GOT1L1: variants seen among roughly 807,000 people sequenced by gnomAD.
GOT1L1 encodes the protein glutamic-oxaloacetic transaminase 1 like 1.
Under a neutral mutation model 43.6 loss-of-function variants are expected in GOT1L1, and 38 were observed. That is an observed-to-expected ratio of 0.87 (90% CI 0.67 to 1.14). The LOEUF is 1.14. Ranked by LOEUF, GOT1L1 falls within the 50% of genes most tolerant of loss-of-function variation. The pLI, the probability that GOT1L1 is intolerant of heterozygous loss-of-function variation, is 0.00. For synonymous variants in GOT1L1, 183 were observed against 187.2 expected (o/e 0.98, Z 0.18); for missense variants, 482 against 504.0 (o/e 0.96, Z 0.42).
chr8:37,936,789 G>GT lies in GOT1L1; in HGVS notation c.693dup (p.Gln232ThrfsTer9), dbSNP rs1563387914. ...TCAAAGCCTTGAGACACAAAGTATT[G>GT]TAAGATTCTAGTATCTTCTTCCAAG... On this transcript the variant is annotated frameshift_variant, in exon 6 of 9. Coordinates refer to ENST00000307599, the MANE Select transcript of GOT1L1 (RefSeq NM_152413.3). LOFTEE classifies it high-confidence loss of function. The GT allele has an allele frequency of 6.2e-7, 1 of 1,612,906 alleles. No homozygotes were observed. The highest frequency in any genetic ancestry group is 1.3e-5 in the African/African-American group (1 of 74,900).
intron 1 of GOT1L1, 103 bp from the exon 2 acceptor site, chr8:37,938,984 G>C: frequency 1.0e-6 from 1 of 995,186 alleles, no homozygotes; most frequent in Non-Finnish European, 1.6e-6. Flanking sequence ...ACTCCATGGG[G>C]CTGTGGGAAG....
At chr8:37,937,174 A>G in intron 4 of GOT1L1, 103 bp downstream of exon 4, 1 of 1,244,754 alleles carries the variant, frequency 8.0e-7, no homozygotes, top group South Asian at 1.3e-5. Flanking sequence ...AGGCAAATTC[A>G]AACCTGGAAA....
At position 37,936,705 on chromosome 8, in the gene GOT1L1, C is replaced by T. The variant is rs191949413; in HGVS notation, c.763+15G>A. ...CTTCAGCAACAGACCCTCCCTTCTT[C>T]TGCCTGTACCATACCATAAATGCCA... is the stretch of plus-strand genomic sequence containing the variant. On this transcript the variant is annotated intron_variant, in intron 6 of 8. Transcript: ENST00000307599. 3.1e-6 allele frequency: 5 copies of T among 1,593,288 alleles called. No homozygotes were observed. The East Asian group carries it at 1.1e-4, about 36-fold the overall frequency.
At chr8:37,937,216 G>T in intron 4 of GOT1L1, 61 bp downstream of exon 4, 2 of 1,257,964 alleles carry the variant, frequency 1.6e-6, no homozygotes, top group Non-Finnish European at 2.2e-6. Context: ...GTGTGGGGAG[G>T]AGAGGAACAT....
rs112805396 is a variant in GOT1L1, at chr8:37,937,667, C to G, written c.380G>C (p.Arg127Pro). 2.5e-6 allele frequency: 4 copies of G among 1,611,722 alleles called. No homozygotes were observed. In the African/African-American group the frequency reaches 4.0e-5, roughly 16 times the overall value. Reference protein sequence around the residue: ...QFLRAWHKDARIVYIISSQKE... With the variant: ...QFLRAWHKDAPIVYIISSQKE... ...TTGAGAAGAGATGATGTAAACTATA[C>G]GAGCATCCTTATGCCAAGCTCTGAG... Residue 127 changes from arginine to proline, a missense_variant, in exon 3 of 9, where the codon CGT becomes CCT. Arg to Pro is a moderately radical substitution (Grantham distance 103). Transcript: ENST00000307599.
intron 3 of GOT1L1, 36 bp downstream of exon 3, chr8:37,937,602 G>A (rs969375860): frequency 2.1e-6 from 3 of 1,397,838 alleles, no homozygotes; most frequent in Non-Finnish European, 3.0e-6. Context: ...ACAAGGGACG[G>A]GGATTGCTGT....
At chr8:37,938,468 T>C (rs900293961) in intron 2 of GOT1L1, among the ~76,000 whole-genome samples, 2 of 152,190 alleles carry the variant, frequency 1.3e-5, no homozygotes, top group Non-Finnish European at 2.9e-5. Context: ...ATTCAGATCA[T>C]TCCTGTCTTG....
At chr8:37,939,422 A>AAT (rs1807853322) in intron 1 of GOT1L1, among the ~76,000 whole-genome samples, 1 of 54,274 alleles carries the variant, frequency 1.8e-5, no homozygotes, top group Non-Finnish European at 3.3e-5. Context: ...TCAAGAAAAA[A>AAT]AAAAAAAAAA....
rs773075683 is a variant in GOT1L1 at position 37,938,691 on chromosome 8, C to T, written c.297+9G>A. 9 of 1,564,810 alleles carry T rather than the reference C, an allele frequency of 5.8e-6. No individual in the cohort carries two copies. In the Admixed American group the frequency reaches 1.5e-4, roughly 26 times the overall value. On this transcript the variant is annotated intron_variant, in intron 2 of 8. Transcript: ENST00000307599. ...TCTAAATGAGCCAGGGGAGGGCCCA[C>T]CTTCTCACCCTGTTCTCCACAATGG...
chr8:37,937,681 C>T lies in GOT1L1; in HGVS notation c.366G>A (p.Trp122Ter). 6.2e-7 allele frequency: 1 copy of T among 1,612,990 alleles called. No homozygotes were observed. Residue 122 changes from tryptophan (W) to a stop codon, truncating the protein, a stop_gained, in exon 3 of 9, where the codon TGG becomes TGA. Coordinates refer to ENST00000307599, the MANE Select transcript of GOT1L1 (RefSeq NM_152413.3). LOFTEE classifies it high-confidence loss of function. ...FQLGVQFLRA[W>*]HKDARIVYII... ...TGTAAACTATACGAGCATCCTTATGCCAAGCTCTGAGAAACTGGACGCCAA... is the reference window on the plus strand; with the variant it reads ...TGTAAACTATACGAGCATCCTTATGTCAAGCTCTGAGAAACTGGACGCCAA...
chr8:37,936,009 A>C, intron 6 of GOT1L1, 140 bp from the exon 7 acceptor site: 1 of 896,618 alleles, frequency 1.1e-6, no homozygotes, highest in Non-Finnish European at 1.6e-6. Flanking sequence ...GGTGATATTC[A>C]GGCTCCGGGA....
chr8:37,938,794 TA>T lies in GOT1L1; in HGVS notation c.202del (p.Tyr68MetfsTer9). On this transcript the variant is annotated frameshift_variant, in exon 2 of 9. Coordinates refer to ENST00000307599, the MANE Select transcript of GOT1L1 (RefSeq NM_152413.3). LOFTEE classifies it high-confidence loss of function. ...CAGGCCCATGGTGGGCAAGTACTCA[TA>T]ATTCAGGGAGGGATCCTGTGAAATC... is the stretch of plus-strand genomic sequence containing the variant. ...LQISQDPSLN[Y>X]EYLPTMGLKS... The T allele has an allele frequency of 6.2e-7, 1 of 1,613,646 alleles. No individual in the cohort carries two copies. The highest frequency in any genetic ancestry group is 1.1e-5 in the South Asian group (1 of 90,948).
intron 3 of GOT1L1, 35 bp from the exon 4 acceptor site, chr8:37,937,421 G>A: frequency 7.2e-7 from 1 of 1,392,770 alleles, no homozygotes; most frequent in Non-Finnish European, 9.9e-7. Flanking sequence ...GCTGGTACAT[G>A]GGAAACAGAG....
intron 2 of GOT1L1, 91 bp downstream of exon 2, chr8:37,938,609 C>T: frequency 8.5e-7 from 1 of 1,172,850 alleles, no homozygotes; most frequent in South Asian, 1.6e-5. Flanking sequence ...ACCAGGGGGC[C>T]CTCCGAGGTC....
At chr8:37,934,580 G>A in intron 8 of GOT1L1, 94 bp from the exon 9 acceptor site, 1 of 911,832 alleles carries the variant, frequency 1.1e-6, no homozygotes, top group Admixed American at 2.1e-5. Context: ...TTTATTGATT[G>A]ATTGATTGAG....
chr8:37,934,905 G>T, intron 8 of GOT1L1, 168 bp downstream of exon 8: 1 of 709,056 alleles, frequency 1.4e-6, no homozygotes, highest in South Asian at 1.9e-5. Context: ...GATAGGGAGT[G>T]TCGGTACTTC....
intron 8 of GOT1L1, 22 bp downstream of exon 8, chr8:37,935,051 C>G (rs1159917544): frequency 1.9e-6 from 3 of 1,613,100 alleles, no homozygotes; most frequent in Non-Finnish European, 2.5e-6. Flanking sequence ...AAAGGGGGGA[C>G]ACCAGCCCCC....
intron 2 of GOT1L1, 110 bp from the exon 3 acceptor site, chr8:37,937,859 G>A: frequency 1.4e-6 from 1 of 696,252 alleles, no homozygotes; most frequent in Non-Finnish European, 2.5e-6. Context: ...TGGCCAACAT[G>A]TTGAAACCCC....
At position 37,937,264 on chromosome 8, in the gene GOT1L1, G is replaced by T; in HGVS notation, c.519+13C>A. The T allele has an allele frequency of 6.5e-7, 1 of 1,547,546 alleles. No individual in the cohort carries two copies. The highest frequency in any genetic ancestry group is 1.2e-5 in the South Asian group (1 of 82,690). ...CAGCTCTAGGGAGGAGTTTCTGAGC[G>T]GGGCCCCTCTACCTCCACCACATTG... is the stretch of plus-strand genomic sequence containing the variant. On this transcript the variant is annotated intron_variant, in intron 4 of 8. Coordinates refer to ENST00000307599, the MANE Select transcript of GOT1L1 (RefSeq NM_152413.3).
Sources: allele counts gnomAD v4.1 joint callset (sites outside exome capture counted in the v4.1 genomes callset), GRCh38; gene constraint gnomAD v4.1.1; transcripts MANE v1.5; gene names NCBI Gene and HGNC (gene_info 2026-07-23, HGNC 2026-07-21).